Variants in TAF3 observed in about 807,000 individuals in gnomAD.
TAF3 encodes the protein TATA-box binding protein associated factor 3.
In TAF3, 7 loss-of-function variants were observed where a neutral mutation model predicts 80.6. The observed-to-expected ratio is 0.09, with a 90% confidence interval of 0.05 to 0.16. The LOEUF (loss-of-function observed/expected upper bound fraction) is 0.16. Among genes scored for constraint, TAF3 ranks in the 10% least tolerant of loss-of-function variants. TAF3 has a pLI of 1.00. For synonymous variants in TAF3, 444 were observed against 446.1 expected (o/e 1.00, Z 0.06); for missense variants, 921 against 1,140.2 (o/e 0.81, Z 2.77).
At chr10:7,909,914 C>T (rs1463213692) in intron 2 of TAF3, among the ~76,000 whole-genome samples, 1 of 152,126 alleles carries the variant, frequency 6.6e-6, no homozygotes, top group Non-Finnish European at 1.5e-5. Flanking sequence ...CCCAGCTCCA[C>T]GACTGCTCAG....
At chr10:7,877,148 G>A (rs896287344) in intron 2 of TAF3, among the ~76,000 whole-genome samples, 2 of 151,212 alleles carry the variant, frequency 1.3e-5, no homozygotes, top group Admixed American at 1.3e-4. Context: ...CTTCCTTTTG[G>A]TAAACACAAA....
intron 4 of TAF3, among the ~76,000 whole-genome samples, chr10:8,005,702 A>G (rs760198705): frequency 6.6e-6 from 1 of 152,232 alleles, no homozygotes; most frequent in Non-Finnish European, 1.5e-5. Flanking sequence ...GTGTTCAACC[A>G]GTATGGGAAA....
At chr10:7,853,343 G>A (rs1261588647) in intron 2 of TAF3, among the ~76,000 whole-genome samples, 2 of 152,112 alleles carry the variant, frequency 1.3e-5, no homozygotes, top group African/African-American at 2.4e-5. Flanking sequence ...TTACATTGGC[G>A]GCTTGAAATT....
At chr10:7,870,791 A>G (rs918621798) in intron 2 of TAF3, among the ~76,000 whole-genome samples, 1 of 151,890 alleles carries the variant, frequency 6.6e-6, no homozygotes, top group African/African-American at 2.4e-5. Flanking sequence ...TGCTGGGGCC[A>G]TTTTGTTCTT....
chr10:7,982,406 T>A (rs1420351906), intron 4 of TAF3, among the ~76,000 whole-genome samples: 1 of 152,152 alleles, frequency 6.6e-6, no homozygotes, highest in Non-Finnish European at 1.5e-5. Flanking sequence ...TTATTTATCT[T>A]TTTTTTGAGA....
chr10:7,908,101 C>T (rs1837622579), intron 2 of TAF3, among the ~76,000 whole-genome samples: 1 of 152,226 alleles, frequency 6.6e-6, no homozygotes, highest in Non-Finnish European at 1.5e-5. Flanking sequence ...TTCCAACCTG[C>T]TTTCATTCCA....
chr10:7,823,084 G>A (rs964931329), intron 1 of TAF3, among the ~76,000 whole-genome samples: 1 of 152,158 alleles, frequency 6.6e-6, no homozygotes, highest in East Asian at 1.9e-4. Context: ...CTGCACTCCA[G>A]CCTGGGCAGC....
At chr10:7,990,196 TCTG>T (rs1242295818) in intron 4 of TAF3, among the ~76,000 whole-genome samples, 39 of 152,326 alleles carry the variant, frequency 2.6e-4, no homozygotes, top group South Asian at 8.3e-4. Context: ...ATACGTGAGT[TCTG>T]CTAAAACACT....
intron 2 of TAF3, among the ~76,000 whole-genome samples, chr10:7,936,367 C>G (rs188448492): frequency 3.3e-5 from 5 of 151,906 alleles, no homozygotes; most frequent in Admixed American, 1.3e-4. Context: ...GGAGATAAGA[C>G]GGGGATTTCT....
intron 3 of TAF3, 128 bp downstream of exon 3, chr10:7,965,870 T>C (rs1831566513): frequency 7.5e-7 from 1 of 1,334,860 alleles, no homozygotes; most frequent in African/African-American, 1.5e-5. Context: ...AATATGTTTA[T>C]AATGAGGTTA....
chr10:7,900,100 T>G (rs1472147311), intron 2 of TAF3, among the ~76,000 whole-genome samples: 11 of 152,220 alleles, frequency 7.2e-5, no homozygotes, highest in African/African-American at 2.7e-4. Context: ...GTGTAAAGCT[T>G]ACACCGAATG....
rs940949334 is a variant in TAF3, at chr10:7,873,625, C to CCCT, written c.409+49067_409+49068insTCC. Among the ~76,000 whole-genome samples, 49 of 126,858 alleles carry CCCT rather than the reference C, an allele frequency of 3.9e-4. 2 individuals carry two copies. Among genetic ancestry groups the CCCT allele is most frequent in the Non-Finnish European group, 7.5e-4 (43 of 57,476 alleles). 83.2% of individuals were successfully genotyped at this position (126,858 alleles called of 152,430 possible). ...GGAAGACATCCGAGTTCTCCCCCCC[C>CCCT]CCCCGTCAAAAGGGGGTGTCGAATT... On this transcript the variant is annotated intron_variant, in intron 2 of 6. Transcript: ENST00000344293.
rs1283948482 is a variant in TAF3, at chr10:7,863,664, T to TACACACAC, written c.409+39105_409+39106insCACACACA. ...ATATATATACACACACACATATATA[T>TACACACAC]ATACACACATATATATATATACACA... On this transcript the variant is annotated intron_variant, in intron 2 of 6. Coordinates refer to ENST00000344293, the MANE Select transcript of TAF3 (RefSeq NM_031923.4). Among the ~76,000 whole-genome samples, 9 of 98,178 alleles carry TACACACAC rather than the reference T, an allele frequency of 9.2e-5. 1 individual carries two copies. The highest frequency in any genetic ancestry group is 5.4e-3 in the Middle Eastern group (1 of 184). 64.4% of individuals were successfully genotyped at this position (98,178 alleles called of 152,430 possible).
chr10:7,934,601 C>A (rs766465732), intron 2 of TAF3, among the ~76,000 whole-genome samples: 2 of 152,070 alleles, frequency 1.3e-5, no homozygotes, highest in African/African-American at 4.8e-5. Flanking sequence ...CCCGCCACCA[C>A]GCCTGGCTAA....
chr10:7,964,508 C>T lies in TAF3; in HGVS notation c.998C>T (p.Thr333Ile), dbSNP rs1253843580. ...AAGGTCACGACTCACATTCCCCAAA[C>T]ACCTGTGAGACCTGAAACGCCCAAC... ...SPKVTTHIPQ[T>I]PVRPETPNRT... The change falls in exon 3 of 7, where the codon ACA becomes ATA. Residue 333 changes from threonine to isoleucine, a missense_variant. Physicochemically the swap from Thr to Ile is moderately conservative, Grantham distance 89. Coordinates refer to ENST00000344293, the MANE Select transcript of TAF3 (RefSeq NM_031923.4). The surrounding 1 kb of genome is among the most constrained non-coding windows in gnomAD (Gnocchi z 4.1). 6.2e-7 allele frequency: 1 copy of T among 1,613,422 alleles called. No individual in the cohort carries two copies. Among genetic ancestry groups the T allele is most frequent in the Admixed American group, 1.7e-5 (1 of 59,842 alleles).
chr10:7,871,736 G>A (rs1008298447), intron 2 of TAF3, among the ~76,000 whole-genome samples: 22 of 152,118 alleles, frequency 1.4e-4, no homozygotes, highest in Admixed American at 1.2e-3. Context: ...GAGCCACCGC[G>A]CCAGGCCAAC....
rs998555716 is a variant in TAF3 at position 7,965,481 on chromosome 10, C to T, written c.1971C>T (p.Pro657=). 1 of 1,609,148 alleles carries T rather than the reference C, an allele frequency of 6.2e-7. No individual in the cohort carries two copies. Among genetic ancestry groups the T allele is most frequent in the African/African-American group, 1.3e-5 (1 of 74,392 alleles). The change falls in exon 3 of 7, where the codon CCC becomes CCT. Residue 657 remains proline (P), a synonymous_variant. Transcript: ENST00000344293. Reference sequence around the variant, plus strand: ...CCCCAGCACCCCCACTGGTGTTGCCCCCAAAAGAGTTGGCCCTGCCCTTGT... The same window carrying T: ...CCCCAGCACCCCCACTGGTGTTGCCTCCAAAAGAGTTGGCCCTGCCCTTGT... ...MKAPAPPLVL[P]PKELALPLFS...
Position 8,008,671 on chromosome 10 carries a change from T to A in TAF3, c.2316-407T>A, listed in dbSNP as rs75817313. Among the ~76,000 whole-genome samples, 704 of 152,286 alleles carry A rather than the reference T, an allele frequency of 4.6e-3. 7 individuals are homozygous for A. Among genetic ancestry groups the A allele is most frequent in the East Asian group, 0.028 (146 of 5,168 alleles). On this transcript the variant is annotated intron_variant, in intron 4 of 6. Transcript: ENST00000344293. The stretch of plus-strand genomic sequence containing the variant: ...AGTGTGGAGCACAGGCTGCTCCAGG[T>A]CCTCTCCAGCTGGAGCCACAGTGGA...
At chr10:7,974,133 TAC>T (rs56363651) in intron 3 of TAF3, among the ~76,000 whole-genome samples, 37,027 of 144,998 alleles carry the variant, frequency 0.26, 4,617 homozygotes, top group East Asian at 0.39. Context: ...TTCTGAAACA[TAC>T]ACACACACAC....
Sources: allele counts gnomAD v4.1 joint callset (sites outside exome capture counted in the v4.1 genomes callset), GRCh38; gene constraint gnomAD v4.1.1; non-coding constraint Gnocchi (gnomAD v3.1); transcripts MANE v1.5; gene names NCBI Gene and HGNC (gene_info 2026-07-23, HGNC 2026-07-21).